FAM13B: variants seen among roughly 807,000 people sequenced by gnomAD.
FAM13B encodes protein FAM13B.
In FAM13B, 60 loss-of-function variants were observed where a neutral mutation model predicts 117.3. The observed-to-expected ratio is 0.51, with a 90% confidence interval of 0.42 to 0.63. The LOEUF (loss-of-function observed/expected upper bound fraction) is 0.63, where lower values mean the gene tolerates loss of function less well. Among genes scored for constraint, FAM13B ranks in the 30% least tolerant of loss-of-function variants. FAM13B has a pLI of 0.00. For synonymous variants in FAM13B, 332 were observed against 356.1 expected, an observed-to-expected ratio of 0.93 and a Z score of 0.76; for missense variants, 972 against 1,091.9, an observed-to-expected ratio of 0.89 and a Z score of 1.55.
At chr5:138,015,069 G>A (rs922201696) in intron 4 of FAM13B, among the ~76,000 whole-genome samples, 6 of 152,132 alleles carry the variant, frequency 3.9e-5, no homozygotes, top group African/African-American at 1.4e-4. Flanking sequence ...AACCATTATG[G>A]TCTAACCCAG....
At chr5:137,960,734 A>G (rs988766475) in intron 11 of FAM13B, among the ~76,000 whole-genome samples, 1 of 152,132 alleles carries the variant, frequency 6.6e-6, no homozygotes, top group Non-Finnish European at 1.5e-5. Flanking sequence ...TCCTCAAAAT[A>G]TAACAGTAAC....
At chr5:138,050,174 A>G (rs1791759187) in intron 1 of FAM13B, among the ~76,000 whole-genome samples, 1 of 152,146 alleles carries the variant, frequency 6.6e-6, no homozygotes. Context: ...ATGGTGGCTC[A>G]TGCCTGTAAT....
At chr5:137,940,501 C>G in intron 23 of FAM13B, 153 bp from the exon 24 acceptor site, 1 of 583,814 alleles carries the variant, frequency 1.7e-6, no homozygotes, top group Non-Finnish European at 3.0e-6. Context: ...TGAACTAATA[C>G]CCTCATCCCC....
intron 1 of FAM13B, among the ~76,000 whole-genome samples, chr5:138,027,799 C>T (rs1242329003): frequency 6.6e-6 from 1 of 152,160 alleles, no homozygotes. Flanking sequence ...ATCATGGAGG[C>T]AGTTTCTCCC....
chr5:138,005,569 T>C (rs180994599), intron 7 of FAM13B, among the ~76,000 whole-genome samples: 211 of 151,652 alleles, frequency 1.4e-3, no homozygotes, highest in African/African-American at 4.2e-3. Context: ...AACATATAGA[T>C]AATATTTTAA....
chr5:138,018,880 A>C, intron 3 of FAM13B, 75 bp downstream of exon 3: 2 of 1,284,002 alleles, frequency 1.6e-6, no homozygotes, highest in Admixed American at 2.4e-5. Context: ...AAAAAAATTA[A>C]AAATCCAAGG....
At chr5:137,941,800 G>A (rs1761933392) in intron 23 of FAM13B, 144 bp downstream of exon 23, 1 of 653,510 alleles carries the variant, frequency 1.5e-6, no homozygotes, top group Admixed American at 2.7e-5. Context: ...CAGGGCCTCA[G>A]AGCATAAAGG....
chr5:137,946,202 A>G (rs1763379970), intron 19 of FAM13B, 26 bp downstream of exon 19: 1 of 1,550,972 alleles, frequency 6.4e-7, no homozygotes, highest in South Asian at 1.2e-5. Flanking sequence ...CATAAAATCA[A>G]ATCTTTTTAG....
At chr5:138,033,806 TTA>T (rs1413182987), upstream of FAM13B, 1 of 152,228 alleles carries the variant, frequency 6.6e-6, no homozygotes, top group Non-Finnish European at 1.5e-5. Context: ...CTCTTCTTTG[TTA>T]TAGTCTGTTA....
intron 1 of FAM13B, among the ~76,000 whole-genome samples, chr5:138,049,151 A>G (rs926627411): frequency 1.3e-5 from 2 of 152,116 alleles, no homozygotes; most frequent in African/African-American, 2.4e-5. Context: ...CACATTGGCC[A>G]GGCTGGTCTC....
chr5:138,041,556 AAGG>A (rs1791500886), intron 1 of FAM13B, among the ~76,000 whole-genome samples: 1 of 152,242 alleles, frequency 6.6e-6, no homozygotes, highest in African/African-American at 2.4e-5. Flanking sequence ...AAAAATGTTT[AAGG>A]AGGACAAATA....
At position 138,018,513 on chromosome 5, in the gene FAM13B, T is replaced by A. The variant is rs1581264429; in HGVS notation, c.159A>T (p.Gly53=). 3 of 1,613,758 alleles carry A rather than the reference T, an allele frequency of 1.9e-6. No homozygotes were observed. In the East Asian group the frequency reaches 6.7e-5, roughly 36 times the overall value. The stretch of plus-strand genomic sequence containing the variant: ...GAAAAAGTCCTTGTTGCTCCAGACC[T>A]CCTACGTTAGTTCAAGGCAATCATT... ...RHVVDYIEEH[G]GLEQQGLFQV... Residue 53 remains glycine (G), a splice_region_variant and synonymous_variant, in exon 4 of 24, where the codon GGA becomes GGT. Coordinates refer to ENST00000689681, the MANE Select transcript of FAM13B (RefSeq NM_001385994.1).
At chr5:138,021,830 G>C (rs1786811404) in intron 1 of FAM13B, among the ~76,000 whole-genome samples, 1 of 152,132 alleles carries the variant, frequency 6.6e-6, no homozygotes. Context: ...GAAACTACCT[G>C]TACAGGCCAG....
intron 7 of FAM13B, among the ~76,000 whole-genome samples, chr5:138,005,899 CTTCTT>C (rs1782419024): frequency 6.6e-6 from 1 of 151,344 alleles, no homozygotes. Flanking sequence ...ATTATTTCCT[CTTCTT>C]TTTTTTTTTT....
At chr5:137,941,458 T>C (rs1761810184) in intron 23 of FAM13B, among the ~76,000 whole-genome samples, 1 of 152,162 alleles carries the variant, frequency 6.6e-6, no homozygotes. Context: ...CATTACCTAG[T>C]TAGATAAAGG....
intron 23 of FAM13B, 56 bp from the exon 24 acceptor site, chr5:137,940,404 C>T (rs1761301232): frequency 1.1e-5 from 14 of 1,302,136 alleles, no homozygotes; most frequent in Non-Finnish European, 1.4e-5. Context: ...AAAAAAGATC[C>T]AAAAGTTGTC....
At chr5:138,031,223 A>G (rs957426311) in intron 1 of FAM13B, among the ~76,000 whole-genome samples, 1 of 152,078 alleles carries the variant, frequency 6.6e-6, no homozygotes, top group African/African-American at 2.4e-5. Flanking sequence ...TAAAACAATG[A>G]CATTCTAATA....
intron 1 of FAM13B, among the ~76,000 whole-genome samples, chr5:138,026,493 G>A (rs1168519912): frequency 6.6e-6 from 1 of 151,300 alleles, no homozygotes; most frequent in African/African-American, 2.4e-5. Context: ...TGGGCATGAT[G>A]TCATGCGCCT....
Position 137,941,031 on chromosome 5 carries a change from G to A in FAM13B, c.2691-683C>T, listed in dbSNP as rs146162274. ...CGCCATTCTCCTGCCTCAGCCTCTA[G>A]AGTAGCTGGAACTACAGGTGCCCGC... On this transcript the variant is annotated intron_variant, in intron 23 of 23. Coordinates refer to ENST00000689681, the MANE Select transcript of FAM13B (RefSeq NM_001385994.1). Among the ~76,000 whole-genome samples the A allele has an allele frequency of 7.9e-5, 12 of 152,156 alleles. No homozygotes were observed. The East Asian group carries it at 1.7e-3, about 22-fold the overall frequency.
Sources: gnomAD v4.1 joint callset for allele counts (sites outside exome capture counted in the v4.1 genomes callset) on GRCh38, gnomAD v4.1.1 for gene constraint, MANE v1.5 for transcripts, NCBI Gene and HGNC (gene_info 2026-07-23, HGNC 2026-07-21) for gene names.